Variants in ABI1 observed in about 807,000 individuals in gnomAD.
ABI1 encodes the protein abl interactor 1.
In ABI1, 14 loss-of-function variants were observed where a neutral mutation model predicts 54.6. That is an observed-to-expected ratio of 0.26 (90% CI 0.17 to 0.40). The LOEUF (loss-of-function observed/expected upper bound fraction) is 0.40, where lower values mean the gene tolerates loss of function less well. Among genes scored for constraint, ABI1 ranks in the 10% least tolerant of loss-of-function variants. The probability of loss-of-function intolerance (pLI) is 1.00; values close to 1 mark genes in which losing one functional copy is unlikely to be tolerated. For synonymous variants in ABI1, 194 were observed against 209.3 expected, an observed-to-expected ratio of 0.93 and a Z score of 0.63; for missense variants, 443 against 598.3, an observed-to-expected ratio of 0.74 and a Z score of 2.71.
At chr10:26,749,915 C>T (rs144682497) in intron 10 of ABI1, among the ~76,000 whole-genome samples, 137 of 152,264 alleles carry the variant, frequency 9.0e-4, no homozygotes, top group African/African-American at 3.0e-3. Flanking sequence ...TGGCTTTATA[C>T]CAAACAAAGT....
chr10:26,821,214 C>T lies in ABI1; in HGVS notation c.285+1924G>A, dbSNP rs200687549. Among the ~76,000 whole-genome samples, 5 of 143,166 alleles carry T rather than the reference C, an allele frequency of 3.5e-5. No homozygotes were observed. The East Asian group carries it at 8.3e-4, about 24-fold the overall frequency. 93.9% of individuals were successfully genotyped at this position (143,166 alleles called of 152,430 possible). On this transcript the variant is annotated intron_variant, in intron 2 of 10. Coordinates refer to ENST00000376140, the MANE Select transcript of ABI1 (RefSeq NM_001012750.3). ...GAGCCGAGATCATGCCACTGCACAC[C>T]AGCCTGGGCATCAGAGCAAGACTCC...
chr10:26,757,094 A>G (rs918789480), intron 8 of ABI1, among the ~76,000 whole-genome samples: 4 of 152,134 alleles, frequency 2.6e-5, no homozygotes, highest in African/African-American at 9.7e-5. Context: ...GTAACTAGCC[A>G]TGCTGGTTAG....
chr10:26,852,613 C>T (rs2050489321), intron 1 of ABI1, among the ~76,000 whole-genome samples: 1 of 152,032 alleles, frequency 6.6e-6, no homozygotes, highest in Non-Finnish European at 1.5e-5. Context: ...ATTAATTTCC[C>T]ATGGGTTCTG....
Position 26,858,537 on chromosome 10 carries a change from GAAAAAAAA to G in ABI1, c.117+2202_117+2209del, listed in dbSNP as rs60132421. ...ACCCCACCCCGCCCCCACAAAAAAAGAAAAAAAAAAAAAAAAAAAAAAAAAACGGGGCC... is the reference window on the plus strand; with the variant it reads ...ACCCCACCCCGCCCCCACAAAAAAAGAAAAAAAAAAAAAAAAAACGGGGCC... On this transcript the variant is annotated intron_variant, in intron 1 of 10. Transcript: ENST00000376140. 1.9e-4 allele frequency among the ~76,000 whole-genome samples: 18 copies of G among 94,268 alleles called. No homozygotes were observed. The South Asian group carries it at 2.0e-3, about 11-fold the overall frequency. 61.8% of individuals were successfully genotyped at this position (94,268 alleles called of 152,430 possible).
Position 26,770,340 on chromosome 10 carries a change from T to C in ABI1, c.483A>G (p.Gly161=). 1 of 1,613,754 alleles carries C rather than the reference T, an allele frequency of 6.2e-7. No individual in the cohort carries two copies. The highest frequency in any genetic ancestry group is 8.5e-7 in the Non-Finnish European group (1 of 1,179,658). ...HGVKWLKAKH[G]NNQPARTGTL... ...TGCCAGTTCTTGCAGGCTGGTTATT[T>C]CCATGCTAAAATGTAGAAAGAAATG... The change falls in exon 5 of 11, where the codon GGA becomes GGG. Residue 161 remains glycine, a synonymous_variant. Transcript: ENST00000376140.
chr10:26,830,949 T>C (rs1444997827), intron 1 of ABI1, among the ~76,000 whole-genome samples: 1 of 152,184 alleles, frequency 6.6e-6, no homozygotes, highest in African/African-American at 2.4e-5. Context: ...AAGGCTGGAA[T>C]GCAGTGGCAC....
intron 9 of ABI1, 102 bp from the exon 10 acceptor site, chr10:26,751,885 C>T (rs1006336671): frequency 9.7e-7 from 1 of 1,029,366 alleles, no homozygotes; most frequent in Non-Finnish European, 1.4e-6. Flanking sequence ...ACAGCATGCA[C>T]TATAATAAAA....
chr10:26,786,024 G>C (rs1349437259), intron 2 of ABI1, among the ~76,000 whole-genome samples: 2 of 152,082 alleles, frequency 1.3e-5, no homozygotes, highest in Non-Finnish European at 2.9e-5. Context: ...CCAGCATCTA[G>C]GAAAGATTTT....
chr10:26,834,582 C>CACAT lies in ABI1; in HGVS notation c.118-11278_118-11277insATGT, dbSNP rs2048912745. On this transcript the variant is annotated intron_variant, in intron 1 of 10. Transcript: ENST00000376140. ...ACACACACACACACACACACACACA[C>CACAT]ACACACACACACAAAAGAAGACATA... 3.3e-5 allele frequency among the ~76,000 whole-genome samples: 5 copies of CACAT among 151,716 alleles called. No homozygotes were observed. The South Asian group carries it at 1.0e-3, about 32-fold the overall frequency.
chr10:26,835,058 C>T (rs1044518892), intron 1 of ABI1, among the ~76,000 whole-genome samples: 24 of 115,574 alleles, frequency 2.1e-4, no homozygotes, highest in African/African-American at 8.2e-4. Context: ...CACTGCACTC[C>T]AATGTGGGCA....
chr10:26,746,823 A>T lies in ABI1; in HGVS notation c.*1747T>A. On this transcript the variant is annotated 3_prime_UTR_variant, in exon 11 of 11. Transcript: ENST00000376140. ...ATGGTTTGTCTTGATTTACCGTAGG[A>T]GTAAAGGTCAGAAAAATGTGAAGTC... The T allele has an allele frequency of 2.6e-6, 1 of 381,338 alleles. No homozygotes were observed. Among genetic ancestry groups the T allele is most frequent in the Non-Finnish European group, 4.9e-6 (1 of 203,660 alleles). 23.6% of individuals were successfully genotyped at this position (381,338 alleles called of 1,614,324 possible).
chr10:26,823,926 C>T (rs1008798235), intron 1 of ABI1, among the ~76,000 whole-genome samples: 5 of 151,548 alleles, frequency 3.3e-5, no homozygotes, highest in African/African-American at 9.7e-5. Context: ...CAACAACTTA[C>T]ACCACAAAGA....
intron 1 of ABI1, among the ~76,000 whole-genome samples, chr10:26,856,289 AAC>A (rs2050803480): frequency 6.6e-6 from 1 of 151,256 alleles, no homozygotes; most frequent in South Asian, 2.1e-4. Flanking sequence ...AAAAAAAAAA[AAC>A]CCATTCAGGA....
intron 2 of ABI1, among the ~76,000 whole-genome samples, chr10:26,800,947 G>A (rs909596367): frequency 1.3e-5 from 2 of 152,136 alleles, no homozygotes; most frequent in African/African-American, 4.8e-5. Flanking sequence ...CAGAGGCTGC[G>A]GTGAGCCGAG....
At position 26,767,928 on chromosome 10, in the gene ABI1, C is replaced by T. The variant is rs146311822; in HGVS notation, c.719+924G>A. Among the ~76,000 whole-genome samples, 866 of 151,986 alleles carry T rather than the reference C, an allele frequency of 5.7e-3. 8 individuals are homozygous for T. The highest frequency in any genetic ancestry group is 0.02 in the African/African-American group (817 of 41,416). On this transcript the variant is annotated intron_variant, in intron 6 of 10. Coordinates refer to ENST00000376140, the MANE Select transcript of ABI1 (RefSeq NM_001012750.3). ...AGGCGTGGTGGCATGCACCTGTAAT[C>T]CCAGCTACTCTGGAAGCTGAGGCAG...
chr10:26,853,834 G>A (rs2050606241), intron 1 of ABI1, among the ~76,000 whole-genome samples: 1 of 152,008 alleles, frequency 6.6e-6, no homozygotes, highest in South Asian at 2.1e-4. Flanking sequence ...GAGCCACCAC[G>A]CCCAGCCTTT....
At chr10:26,844,254 C>T (rs1441746517) in intron 1 of ABI1, among the ~76,000 whole-genome samples, 4 of 152,076 alleles carry the variant, frequency 2.6e-5, no homozygotes, top group East Asian at 1.9e-4. Flanking sequence ...ATTAATGACT[C>T]GGCTAAACTC....
intron 1 of ABI1, among the ~76,000 whole-genome samples, chr10:26,855,992 G>C (rs900997399): frequency 1.0e-5 from 1 of 97,988 alleles, no homozygotes; most frequent in Admixed American, 1.1e-4. Flanking sequence ...AAAAAAAAAA[G>C]AACCCCATTC....
At chr10:26,847,768 A>C (rs1261966667) in intron 1 of ABI1, among the ~76,000 whole-genome samples, 1 of 152,190 alleles carries the variant, frequency 6.6e-6, no homozygotes. Flanking sequence ...GAAAACATAA[A>C]ATGTATATAA....
Sources: gnomAD v4.1 joint callset for allele counts (sites outside exome capture counted in the v4.1 genomes callset) on GRCh38, gnomAD v4.1.1 for gene constraint, MANE v1.5 for transcripts, NCBI Gene and HGNC (gene_info 2026-07-23, HGNC 2026-07-21) for gene names.